Variants in SRGAP2C observed in about 807,000 individuals in gnomAD.
The protein encoded by SRGAP2C is SLIT-ROBO Rho GTPase-activating protein 2C.
In SRGAP2C, 15 loss-of-function variants were observed where a neutral mutation model predicts 25.1. The observed-to-expected ratio is 0.60, with a 90% confidence interval of 0.40 to 0.92. The LOEUF is 0.92. Ranked by LOEUF, SRGAP2C falls within the 40% of genes least tolerant of loss-of-function variation. The probability of loss-of-function intolerance (pLI) is 0.00; values close to 1 mark genes in which losing one functional copy is unlikely to be tolerated. For synonymous variants in SRGAP2C, 44 were observed against 96.6 expected, an observed-to-expected ratio of 0.46 and a Z score of 3.19; for missense variants, 144 against 264.4, an observed-to-expected ratio of 0.54 and a Z score of 3.16.
chr1:121,234,708 G>A (rs1276151341), intron 2 of SRGAP2C, among the ~76,000 whole-genome samples: 1 of 148,376 alleles, frequency 6.7e-6, no homozygotes, highest in African/African-American at 2.6e-5. Context: ...TCTTTTTTTA[G>A]CTGCTTTTGA....
chr1:121,356,948 A>G (rs587593793), intron 4 of SRGAP2C, among the ~76,000 whole-genome samples: 1 of 152,080 alleles, frequency 6.6e-6, no homozygotes, highest in South Asian at 2.1e-4. Context: ...AGACTGGGAG[A>G]GCAGAGGGCC....
At chr1:121,377,052 C>A (rs1659675355) in intron 7 of SRGAP2C, among the ~76,000 whole-genome samples, 1 of 150,534 alleles carries the variant, frequency 6.6e-6, no homozygotes, top group South Asian at 2.1e-4. Flanking sequence ...TCAGGTATAA[C>A]CAAGTGTTTT....
chr1:121,271,524 GA>G (rs1656960151), intron 2 of SRGAP2C, among the ~76,000 whole-genome samples: 2 of 151,826 alleles, frequency 1.3e-5, no homozygotes, highest in African/African-American at 4.8e-5. Context: ...AGCCCATGAA[GA>G]AGGAGCTGAG....
intron 2 of SRGAP2C, among the ~76,000 whole-genome samples, chr1:121,233,154 T>C (rs1553327844): frequency 1.4e-5 from 2 of 141,264 alleles, no homozygotes; most frequent in African/African-American, 5.3e-5. Flanking sequence ...TCTTTTTTTT[T>C]TTTTTTTTTT....
intron 2 of SRGAP2C, among the ~76,000 whole-genome samples, chr1:121,273,037 GA>G (rs1558103492): frequency 6.7e-6 from 1 of 149,656 alleles, no homozygotes; most frequent in East Asian, 2.0e-4. Context: ...CCAGGTGGCA[GA>G]ACTACAATTA....
chr1:121,230,853 C>T (rs1553327430), intron 2 of SRGAP2C, among the ~76,000 whole-genome samples: 1 of 151,806 alleles, frequency 6.6e-6, no homozygotes, highest in Non-Finnish European at 1.5e-5. Context: ...TACTATGCAG[C>T]CATAAAAAAG....
intron 2 of SRGAP2C, among the ~76,000 whole-genome samples, chr1:121,244,378 T>A (rs1656192226): frequency 8.5e-6 from 1 of 117,216 alleles, no homozygotes; most frequent in Non-Finnish European, 1.8e-5. Flanking sequence ...TTTTTTTGTC[T>A]TCTGAAAACA....
At chr1:121,352,948 G>A (rs1342884980) in intron 4 of SRGAP2C, among the ~76,000 whole-genome samples, 1 of 147,272 alleles carries the variant, frequency 6.8e-6, no homozygotes, top group Admixed American at 6.8e-5. Context: ...AAATTAGCCA[G>A]GCATAGTGGC....
In SRGAP2C at chr1:121,282,594, G is replaced by A. The variant is rs1174831247; in HGVS notation, c.68-2209G>A. 1.1e-3 allele frequency among the ~76,000 whole-genome samples: 166 copies of A among 151,870 alleles called. 1 individual carries two copies. Among genetic ancestry groups the A allele is most frequent in the Non-Finnish European group, 1.9e-3 (129 of 67,872 alleles). ...GTTTGAGACGGAGTCTCGCTCTGTC[G>A]CCCAGGCTGGAGTGCAGTGGTGCGA... On this transcript the variant is annotated intron_variant, in intron 2 of 9. Transcript: ENST00000367123.
intron 2 of SRGAP2C, among the ~76,000 whole-genome samples, chr1:121,224,324 T>C (rs1414785619): frequency 8.0e-6 from 1 of 124,498 alleles, no homozygotes; most frequent in Non-Finnish European, 1.6e-5. Context: ...GATATAAACA[T>C]GGAACCATGA....
rs1342637500 is a variant in SRGAP2C, at chr1:121,314,890, C to A, written c.261-9588C>A. ...TGTCGCTCACGCTGGGAGCTGTAGA[C>A]CGGAGCTGTTCCTATTCGGCCATAT... is the stretch of plus-strand genomic sequence containing the variant. On this transcript the variant is annotated intron_variant, in intron 3 of 9. Transcript: ENST00000367123. 9 of 618,446 alleles carry A rather than the reference C, an allele frequency of 1.5e-5. No homozygotes were observed. The East Asian group carries it at 3.3e-4, about 22-fold the overall frequency. The allele number at this position is 618,446 out of a possible 1,614,324, so 38.3% of individuals were successfully genotyped here. A position where few individuals can be genotyped will look rare whatever the true frequency, so the allele number is the denominator to read the frequency against.
chr1:121,204,036 G>GGC (rs1655055306), intron 2 of SRGAP2C, among the ~76,000 whole-genome samples: 1 of 81,602 alleles, frequency 1.2e-5, no homozygotes, highest in Admixed American at 1.2e-4. Context: ...AGAAAATAGA[G>GGC]ATAAGCCAGG....
chr1:121,211,980 T>TA (rs1223734789), intron 2 of SRGAP2C, among the ~76,000 whole-genome samples: 2 of 101,124 alleles, frequency 2.0e-5, no homozygotes, highest in African/African-American at 4.1e-5. Context: ...CAGTGCATTT[T>TA]AAAAAATTCA....
At chr1:121,312,938 G>T (rs1657998447) in intron 3 of SRGAP2C, among the ~76,000 whole-genome samples, 8 of 30,704 alleles carry the variant, frequency 2.6e-4, no homozygotes, top group Non-Finnish European at 4.5e-4. Flanking sequence ...ATGTCTATTA[G>T]GTCCGCTTGG....
At chr1:121,188,884 T>C (rs1654598620) in intron 2 of SRGAP2C, among the ~76,000 whole-genome samples, 1 of 81,536 alleles carries the variant, frequency 1.2e-5, no homozygotes, top group Non-Finnish European at 2.5e-5. Context: ...GGTAGGTTTA[T>C]TACAGAGGTG....
chr1:121,350,775 G>A (rs1395671059), intron 4 of SRGAP2C, among the ~76,000 whole-genome samples: 1 of 151,600 alleles, frequency 6.6e-6, no homozygotes, highest in Non-Finnish European at 1.5e-5. Context: ...AAACCTCTGT[G>A]TTTGAGAGGA....
chr1:121,307,624 G>GA (rs1185322992), intron 3 of SRGAP2C, among the ~76,000 whole-genome samples: 3 of 136,070 alleles, frequency 2.2e-5, no homozygotes, highest in Non-Finnish European at 4.7e-5. Flanking sequence ...CCTGGCTGTT[G>GA]AAGGCTTCAG....
chr1:121,236,091 C>T lies in SRGAP2C; in HGVS notation c.67+48578C>T, dbSNP rs587678575. On this transcript the variant is annotated intron_variant, in intron 2 of 9. Coordinates refer to ENST00000367123, the MANE Select transcript of SRGAP2C (RefSeq NM_001329984.2). ...TGGCAAAAAAAAAAAAAAGGTGTTC[C>T]AGGATCTATATCCTGCACCATACAT... is the stretch of plus-strand genomic sequence containing the variant. Among the ~76,000 whole-genome samples, 474 of 143,144 alleles carry T rather than the reference C, an allele frequency of 3.3e-3. 24 individuals carry two copies. The East Asian group carries it at 0.095, about 29-fold the overall frequency. 93.9% of individuals were successfully genotyped at this position (143,144 alleles called of 152,430 possible). A position where few individuals can be genotyped will look rare whatever the true frequency, so the allele number is the denominator to read the frequency against.
chr1:121,307,249 G>A (rs1657862089), intron 3 of SRGAP2C, among the ~76,000 whole-genome samples: 1 of 146,128 alleles, frequency 6.8e-6, no homozygotes, highest in Non-Finnish European at 1.5e-5. Context: ...GCAGGTGTGA[G>A]GCACTGCATC....
Sources: allele counts gnomAD v4.1 joint callset (sites outside exome capture counted in the v4.1 genomes callset), GRCh38; gene constraint gnomAD v4.1.1; transcripts MANE v1.5; gene names NCBI Gene and HGNC (gene_info 2026-07-23, HGNC 2026-07-21).